Variants in MED23 observed in about 807,000 individuals in gnomAD.
The protein encoded by MED23 is mediator complex subunit 23.
In MED23, 105 loss-of-function variants were observed where a neutral mutation model predicts 163.9. The ratio of observed to expected loss-of-function variants is 0.64; its 90% CI spans 0.55 to 0.75. The LOEUF (loss-of-function observed/expected upper bound fraction) is 0.75, where lower values mean the gene tolerates loss of function less well. Ranked by LOEUF, MED23 falls within the 30% of genes least tolerant of loss-of-function variation. MED23 has a pLI of 0.00. For missense variants in MED23, 1,054 were observed against 1,649.0 expected, an observed-to-expected ratio of 0.64 and a Z score of 6.25; for synonymous variants, 561 against 565.6, an observed-to-expected ratio of 0.99 and a Z score of 0.12.
At position 131,606,586 on chromosome 6, in the gene MED23, G is replaced by C; in HGVS notation, c.1260C>G (p.Thr420=). The C allele has an allele frequency of 6.2e-7, 1 of 1,612,896 alleles. No individual in the cohort carries two copies. Among genetic ancestry groups the C allele is most frequent in the Non-Finnish European group, 8.5e-7 (1 of 1,179,066 alleles). ...PVPDINKPQS[T]HAFAMTCIWI... Reference sequence around the variant, plus strand: ...AAATACAGGTCATTGCAAAGGCATGGGTTGACTGGGGTTTGTTAATATCAG... The same window carrying C: ...AAATACAGGTCATTGCAAAGGCATGCGTTGACTGGGGTTTGTTAATATCAG... Residue 420 remains threonine, a synonymous_variant, in exon 13 of 29, where the codon ACC becomes ACG. Transcript: ENST00000368068.
intron 10 of MED23, among the ~76,000 whole-genome samples, chr6:131,614,209 G>A (rs1309934578): frequency 6.6e-6 from 1 of 152,068 alleles, no homozygotes; most frequent in African/African-American, 2.4e-5. Context: ...TCCAAACAAG[G>A]AAACTTGGCA....
At chr6:131,576,785 A>C (rs1171558464) in intron 30 of MED23, 2 of 1,492,576 alleles carry the variant, frequency 1.3e-6, no homozygotes, top group Non-Finnish European at 1.9e-6. Flanking sequence ...CCCACTCTGA[A>C]GGAAAGAGCA....
Position 131,608,082 on chromosome 6 carries a change from T to A in MED23, c.1078-11A>T, listed in dbSNP as rs370398990. 1.6e-5 allele frequency: 26 copies of A among 1,613,328 alleles called. No individual in the cohort carries two copies. The highest frequency in any genetic ancestry group is 1.4e-5 in the Non-Finnish European group (17 of 1,179,690). On this transcript the variant is annotated splice_polypyrimidine_tract_variant and intron_variant, in intron 11 of 28. Coordinates refer to ENST00000368068, the MANE Select transcript of MED23 (RefSeq NM_004830.4). ...TCCTCGCCCTGCTAACTATAAAAGA[T>A]GTTTAAATACACATGTATACACTGC...
chr6:131,582,988 T>C, downstream of MED23: 1 of 1,054,650 alleles, frequency 9.5e-7, no homozygotes, highest in Admixed American at 2.2e-5. Flanking sequence ...TATATTTATA[T>C]TTCCCTTAAA....
downstream of MED23, chr6:131,583,372 A>G: frequency 6.2e-7 from 1 of 1,614,200 alleles, no homozygotes; most frequent in Non-Finnish European, 8.5e-7. Flanking sequence ...AGGCCAATTC[A>G]TCTAAGTTTT....
chr6:131,577,904 CAA>C (rs574140142), intron 30 of MED23, among the ~76,000 whole-genome samples: 31 of 74,938 alleles, frequency 4.1e-4, no homozygotes, highest in Non-Finnish European at 4.0e-4. Context: ...ACTCCATCTC[CAA>C]AAAAAAAAAA....
intron 10 of MED23, among the ~76,000 whole-genome samples, chr6:131,612,100 C>G (rs1172891215): frequency 1.3e-5 from 2 of 152,000 alleles, no homozygotes; most frequent in East Asian, 1.9e-4. Flanking sequence ...CTTAACTTTT[C>G]TGTCAAAAAT....
chr6:131,623,753 C>T (rs1777284459), intron 4 of MED23, among the ~76,000 whole-genome samples: 1 of 152,276 alleles, frequency 6.6e-6, no homozygotes, highest in Non-Finnish European at 1.5e-5. Context: ...GTGCCTTTTG[C>T]CATTATTCTA....
intron 7 of MED23, 51 bp downstream of exon 7, chr6:131,620,577 C>T (rs370115505): frequency 2.3e-5 from 31 of 1,342,868 alleles, no homozygotes; most frequent in Middle Eastern, 2.5e-4. Context: ...CTGTGAGCCA[C>T]GAAGCCCAGC....
chr6:131,593,273 T>G (rs745320644), intron 23 of MED23, 102 bp from the exon 24 acceptor site: 8 of 1,426,584 alleles, frequency 5.6e-6, no homozygotes, highest in African/African-American at 1.4e-5. Flanking sequence ...TTAGAGAGAT[T>G]AAGAGGCAAA....
intron 12 of MED23, 131 bp downstream of exon 12, chr6:131,607,797 C>T: frequency 9.8e-7 from 1 of 1,015,606 alleles, no homozygotes; most frequent in Non-Finnish European, 1.5e-6. Context: ...AAAGAGCTTG[C>T]TACACTTAAC....
intron 11 of MED23, 100 bp from the exon 12 acceptor site, chr6:131,608,171 C>G: frequency 7.7e-7 from 1 of 1,304,440 alleles, no homozygotes; most frequent in Non-Finnish European, 1.1e-6. Flanking sequence ...AAGGAGAAAC[C>G]TGGTTCTTGC....
In MED23 at chr6:131,586,790, C is replaced by G. The variant is rs1197535839; in HGVS notation, c.*889G>C. The stretch of plus-strand genomic sequence containing the variant: ...AGACTTTACTCATTAGTTTTCAAGT[C>G]TTTCGCAATGCCAATTCCCCCAAAA... On this transcript the variant is annotated 3_prime_UTR_variant, in exon 29 of 29. Transcript: ENST00000368068. 1 of 1,493,978 alleles carries G rather than the reference C, an allele frequency of 6.7e-7. No homozygotes were observed. The highest frequency in any genetic ancestry group is 2.0e-5 in the Admixed American group (1 of 49,306). 92.5% of individuals were successfully genotyped at this position (1,493,978 alleles called of 1,614,324 possible). A position where few individuals can be genotyped will look rare whatever the true frequency, so the allele number is the denominator to read the frequency against.
chr6:131,610,380 G>T, intron 10 of MED23, 134 bp from the exon 11 acceptor site: 1 of 833,394 alleles, frequency 1.2e-6, no homozygotes, highest in African/African-American at 1.7e-5. Context: ...GTCAAGGTTA[G>T]ATTTAGTCTA....
At chr6:131,621,800 G>GT (rs1229294607) in intron 6 of MED23, 81 bp downstream of exon 6, 6 of 777,040 alleles carry the variant, frequency 7.7e-6, no homozygotes, top group African/African-American at 5.4e-5. Context: ...ACAAAATACC[G>GT]TAAGTATTAA....
chr6:131,628,093 G>C lies in MED23; in HGVS notation c.-44C>G, dbSNP rs774806739. 3.7e-6 allele frequency: 6 copies of C among 1,610,026 alleles called. No individual in the cohort carries two copies. The highest frequency in any genetic ancestry group is 5.1e-6 in the Non-Finnish European group (6 of 1,177,148). Reference sequence around the variant, plus strand: ...CTTTCCAGGGTGCCCGGCAAGGCCCGGATCAGACTCGAGCTCTGGGAATAT... The same window carrying C: ...CTTTCCAGGGTGCCCGGCAAGGCCCCGATCAGACTCGAGCTCTGGGAATAT... On this transcript the variant is annotated 5_prime_UTR_variant, in exon 1 of 29. Transcript: ENST00000368068.
In MED23 at chr6:131,587,329, TTAA is replaced by T; in HGVS notation, c.*347_*349del. 4 of 1,109,904 alleles carry T rather than the reference TTAA, an allele frequency of 3.6e-6. No homozygotes were observed. The highest frequency in any genetic ancestry group is 4.4e-6 in the Non-Finnish European group (4 of 907,224). 68.8% of individuals were successfully genotyped at this position (1,109,904 alleles called of 1,614,324 possible). On this transcript the variant is annotated 3_prime_UTR_variant, in exon 29 of 29. Coordinates refer to ENST00000368068, the MANE Select transcript of MED23 (RefSeq NM_004830.4). ...ATATATCTGAAGACTAAATATGTCA[TTAA>T]TAATAAAAAATACAAACAAAAACAA...
downstream of MED23, chr6:131,582,720 G>A (rs763312659): frequency 2.5e-6 from 4 of 1,612,810 alleles, no homozygotes; most frequent in Admixed American, 1.7e-5. Flanking sequence ...GGAACAGTAA[G>A]CTTATTCCTT....
rs151337645 is a variant in MED23, at chr6:131,594,177, C to T, written c.3154G>A (p.Ala1052Thr). The change falls in exon 23 of 29, where the codon GCT becomes ACT. Residue 1052 changes from alanine to threonine, a missense_variant. This residue lies in a region of MED23 where 362 missense variants were observed against 471.6 expected (regional missense o/e 0.77). Coordinates refer to ENST00000368068, the MANE Select transcript of MED23 (RefSeq NM_004830.4). ...GGATTTTCCTCTCGTGCATTCATAG[C>T]GCATTTCAGGTAAGTGTCACTTAGA... ...WCLSDTYLKC[A>T]MNAREENPWV... 5 of 1,614,106 alleles carry T rather than the reference C, an allele frequency of 3.1e-6. No homozygotes were observed. In the African/African-American group the frequency reaches 4.0e-5, roughly 13 times the overall value.
Sources: allele counts gnomAD v4.1 joint callset (sites outside exome capture counted in the v4.1 genomes callset), GRCh38; gene constraint gnomAD v4.1.1; regional missense constraint gnomAD v4.1.1; transcripts MANE v1.5; gene names NCBI Gene and HGNC (gene_info 2026-07-23, HGNC 2026-07-21).